ZNF567: variants seen among roughly 807,000 people sequenced by gnomAD.
The protein encoded by ZNF567 is zinc finger protein 567.
ZNF567 carries 36 observed loss-of-function variants against 53.9 expected under a neutral mutation model. The observed-to-expected ratio is 0.67, with a 90% CI of 0.51 to 0.88. ZNF567 has a LOEUF of 0.88. Among genes scored for constraint, ZNF567 ranks in the 40% least tolerant of loss-of-function variants. The pLI is 0.00. For missense variants in ZNF567, 619 were observed against 764.7 expected (o/e 0.81, Z 2.25); for synonymous variants, 224 against 260.4 (o/e 0.86, Z 1.35).
intron 3 of ZNF567, among the ~76,000 whole-genome samples, chr19:36,703,916 G>C (rs183290886): frequency 2.6e-5 from 4 of 152,130 alleles, no homozygotes; most frequent in African/African-American, 9.7e-5. Flanking sequence ...GCTTCGTCTC[G>C]CGCATGGTGC....
chr19:36,669,062 G>T, the ZNF567 span: 1 of 152,074 alleles, frequency 6.6e-6, no homozygotes, highest in Non-Finnish European at 1.5e-5. Flanking sequence ...TATTTACATG[G>T]TTATTAGGTG....
At chr19:36,680,775 T>G in the ZNF567 span, among the ~76,000 whole-genome samples, 3 of 152,138 alleles carry the variant, frequency 2.0e-5, no homozygotes, top group African/African-American at 7.2e-5. Flanking sequence ...GACCATTCCT[T>G]GACATTCCTG....
chr19:36,683,260 C>T (rs567693410), upstream of ZNF567, among the ~76,000 whole-genome samples: 10 of 151,948 alleles, frequency 6.6e-5, no homozygotes, highest in South Asian at 2.1e-4. Flanking sequence ...TTAGTAGATA[C>T]GGGGTTTCAC....
chr19:36,673,846 A>T, the ZNF567 span, among the ~76,000 whole-genome samples: 1 of 152,186 alleles, frequency 6.6e-6, no homozygotes, highest in Non-Finnish European at 1.5e-5. Flanking sequence ...CTGATGATGC[A>T]GGTGAGGCAT....
At chr19:36,725,709 C>T (rs2040332965), downstream of ZNF567, among the ~76,000 whole-genome samples, 2 of 152,108 alleles carry the variant, frequency 1.3e-5, no homozygotes. Flanking sequence ...AGTGCAGTGG[C>T]ATGATCACAG....
chr19:36,690,866 A>T (rs2038567833), intron 2 of ZNF567, among the ~76,000 whole-genome samples: 1 of 152,222 alleles, frequency 6.6e-6, no homozygotes. Context: ...TGCAATGTGT[A>T]ACACTGAGCA....
Position 36,719,446 on chromosome 19 carries a change from A to G in ZNF567, c.722A>G (p.Asn241Ser), listed in dbSNP as rs1303780398. 6.2e-6 allele frequency: 10 copies of G among 1,611,472 alleles called. No homozygotes were observed. The highest frequency in any genetic ancestry group is 8.5e-6 in the Non-Finnish European group (10 of 1,179,494). ...PYKGENPSVY[N>S]KKRRATNIEK... Reference sequence around the variant, plus strand: ...AAAGGAGAAAACCCATCTGTATATAATAAAAAAAGAAGAGCAACCAATATT... The same window carrying G: ...AAAGGAGAAAACCCATCTGTATATAGTAAAAAAAGAAGAGCAACCAATATT... Residue 241 changes from asparagine (N) to serine (S), a missense_variant, in exon 6 of 6, where the codon AAT (asparagine) becomes AGT (serine). Physicochemically the swap from Asn to Ser is conservative, Grantham distance 46. Coordinates refer to ENST00000682579, the MANE Select transcript of ZNF567 (RefSeq NM_001322917.1).
chr19:36,708,048 A>G (rs886612931), intron 3 of ZNF567, among the ~76,000 whole-genome samples: 1 of 152,058 alleles, frequency 6.6e-6, no homozygotes, highest in Non-Finnish European at 1.5e-5. Context: ...GGTGTGTGCC[A>G]CCACACCTAG....
downstream of ZNF567, among the ~76,000 whole-genome samples, chr19:36,726,113 C>T (rs539056142): frequency 6.6e-6 from 1 of 152,118 alleles, no homozygotes; most frequent in African/African-American, 2.4e-5. Flanking sequence ...ATTTTCAATT[C>T]TATACTATTT....
chr19:36,706,312 G>C (rs964418660), intron 3 of ZNF567, among the ~76,000 whole-genome samples: 1 of 152,092 alleles, frequency 6.6e-6, no homozygotes, highest in Non-Finnish European at 1.5e-5. Context: ...TTTTTGTTTC[G>C]AGATAGGGCC....
At chr19:36,677,639 C>G in the ZNF567 span, among the ~76,000 whole-genome samples, 12 of 150,326 alleles carry the variant, frequency 8.0e-5, no homozygotes. Context: ...TGGTGGTGCG[C>G]GCCTGTAGTC....
At chr19:36,704,879 T>G (rs1018377247) in intron 3 of ZNF567, among the ~76,000 whole-genome samples, 1 of 152,228 alleles carries the variant, frequency 6.6e-6, no homozygotes, top group Admixed American at 6.5e-5. Context: ...ATTTTGGTAA[T>G]AGAATGAAGA....
chr19:36,675,532 G>A, the ZNF567 span, among the ~76,000 whole-genome samples: 1 of 152,164 alleles, frequency 6.6e-6, no homozygotes, highest in African/African-American at 2.4e-5. Context: ...AATTAGCTGG[G>A]CGTGGTGGCG....
intron 3 of ZNF567, among the ~76,000 whole-genome samples, chr19:36,700,526 G>T (rs1466121304): frequency 2.0e-5 from 3 of 150,820 alleles, no homozygotes; most frequent in Non-Finnish European, 4.4e-5. Context: ...ACCTCTGGTA[G>T]AATTCGGCTG....
Position 36,721,063 on chromosome 19 carries a change from A to T in ZNF567, c.*395A>T, listed in dbSNP as rs1054520. 13,215 of 153,134 alleles carry T rather than the reference A, an allele frequency of 0.086. 776 individuals are homozygous for T. The highest frequency in any genetic ancestry group is 0.12 in the Non-Finnish European group (8,535 of 68,628). The allele number at this position is 153,134 out of a possible 1,614,324, so 9.5% of individuals were successfully genotyped here. A position where few individuals can be genotyped will look rare whatever the true frequency, so the allele number is the denominator to read the frequency against. The stretch of plus-strand genomic sequence containing the variant: ...GTTAGTTGTTACTTACCTAAGAGTT[A>T]CCACTTCCGTAGCCTATAACATCAA... On this transcript the variant is annotated 3_prime_UTR_variant, in exon 6 of 6. Transcript: ENST00000682579.
At chr19:36,699,734 G>A (rs2039076625) in intron 3 of ZNF567, among the ~76,000 whole-genome samples, 1 of 151,800 alleles carries the variant, frequency 6.6e-6, no homozygotes. Flanking sequence ...GTCTGTTATT[G>A]GTGTATAAGA....
At chr19:36,705,584 C>T (rs2039449740) in intron 3 of ZNF567, among the ~76,000 whole-genome samples, 1 of 152,128 alleles carries the variant, frequency 6.6e-6, no homozygotes, top group Non-Finnish European at 1.5e-5. Flanking sequence ...TCTTTTATAG[C>T]ACAGAGTACA....
At chr19:36,667,713 A>G in the ZNF567 span, among the ~76,000 whole-genome samples, 1 of 146,718 alleles carries the variant, frequency 6.8e-6, no homozygotes. Context: ...GCAGTGGCGC[A>G]ATCTCGGCTC....
At chr19:36,670,805 C>T in the ZNF567 span, among the ~76,000 whole-genome samples, 35 of 152,102 alleles carry the variant, frequency 2.3e-4, no homozygotes, top group Non-Finnish European at 4.9e-4. Context: ...TTTCCTTCCA[C>T]GAGATACTGC....
Sources: allele counts gnomAD v4.1 joint callset (sites outside exome capture counted in the v4.1 genomes callset), GRCh38; gene constraint gnomAD v4.1.1; transcripts MANE v1.5; gene names NCBI Gene and HGNC (gene_info 2026-07-23, HGNC 2026-07-21).